Variants in PRXL2C observed in about 807,000 individuals in gnomAD.
PRXL2C encodes the protein peroxiredoxin-like 2C.
A neutral mutation model predicts 24.9 loss-of-function variants in PRXL2C; 38 were observed. That is an observed-to-expected ratio of 1.53 (90% CI 1.18 to 2.00). The LOEUF (loss-of-function observed/expected upper bound fraction) is 2.00. PRXL2C is among the 30% of genes most tolerant of loss of function. The pLI is 0.00. For synonymous variants in PRXL2C, 98 were observed against 117.2 expected (o/e 0.84, Z 1.06); for missense variants, 294 against 290.9 (o/e 1.01, Z -0.08).
At chr9:96,644,840 A>G (rs1255740298) in intron 5 of PRXL2C, among the ~76,000 whole-genome samples, 1 of 141,862 alleles carries the variant, frequency 7.0e-6, no homozygotes, top group Non-Finnish European at 1.5e-5. Flanking sequence ...GACACTGAGT[A>G]AGTCTCCTAG....
Position 96,640,064 on chromosome 9 carries a change from TC to T in PRXL2C, c.*1694del, listed in dbSNP as rs1483305877. 1 of 146,362 alleles carries T rather than the reference TC, an allele frequency of 6.8e-6. No individual in the cohort carries two copies. Among genetic ancestry groups the T allele is most frequent in the Non-Finnish European group, 1.5e-5 (1 of 67,178 alleles). The allele number at this position is 146,362 out of a possible 1,614,324, so 9.1% of individuals were successfully genotyped here. A position where few individuals can be genotyped will look rare whatever the true frequency, so the allele number is the denominator to read the frequency against. On this transcript the variant is annotated 3_prime_UTR_variant, in exon 6 of 6. Transcript: ENST00000375234. ...GCCGAGATCGTGCCATTGCACTCCA[TC>T]CTGTGCAACAAGAGTGAAACTCCGT...
At chr9:96,647,979 T>C (rs979633836) in intron 4 of PRXL2C, among the ~76,000 whole-genome samples, 2 of 152,114 alleles carry the variant, frequency 1.3e-5, no homozygotes, top group African/African-American at 2.4e-5. Flanking sequence ...TCACTGCTCA[T>C]TGCAGCCTCA....
chr9:96,650,459 C>T (rs951788779), intron 4 of PRXL2C, among the ~76,000 whole-genome samples: 3 of 152,084 alleles, frequency 2.0e-5, no homozygotes, highest in African/African-American at 7.2e-5. Context: ...GATGAATAAA[C>T]ATGAAACTCT....
intron 4 of PRXL2C, among the ~76,000 whole-genome samples, chr9:96,648,906 T>C (rs1052685965): frequency 2.0e-4 from 30 of 152,192 alleles, no homozygotes; most frequent in South Asian, 2.1e-4. Flanking sequence ...CCCGAGTAGC[T>C]GGGATTACAG....
At position 96,645,908 on chromosome 9, in the gene PRXL2C, G is replaced by A. The variant is rs201136121; in HGVS notation, c.538C>T (p.Leu180Phe). 61 of 1,611,934 alleles carry A rather than the reference G, an allele frequency of 3.8e-5. No homozygotes were observed. The East Asian group carries it at 1.3e-3, about 35-fold the overall frequency. Residue 180 changes from leucine (L) to phenylalanine (F), a missense_variant, in exon 5 of 6, where the codon CTC becomes TTC. Physicochemically the swap from Leu to Phe is conservative, Grantham distance 22. Transcript: ENST00000375234. ...QGDPAQQGGT[L>F]ILGPGNNIHF... is the part of the protein sequence containing the mutation. ...TGATGCTTACCTGGACCTAAAATGA[G>A]GGTTCCACCTTGCTGAGCTGGGTCT...
intron 5 of PRXL2C, among the ~76,000 whole-genome samples, chr9:96,645,354 C>A (rs1045573882): frequency 6.6e-6 from 1 of 152,024 alleles, no homozygotes; most frequent in Admixed American, 6.6e-5. Flanking sequence ...ATCATCTAGG[C>A]ATGGGATGAT....
In PRXL2C at chr9:96,645,065, T is replaced by C. The variant is rs532284097; in HGVS notation, c.553+828A>G. On this transcript the variant is annotated intron_variant, in intron 5 of 5. Coordinates refer to ENST00000375234, the MANE Select transcript of PRXL2C (RefSeq NM_153698.2). ...GGGACTACAGGCACCCGCCACCACG[T>C]CCGGCTAATTTTTTTTTGTATTTTT... 8.6e-4 allele frequency among the ~76,000 whole-genome samples: 130 copies of C among 151,162 alleles called. 2 individuals carry two copies. The highest frequency in any genetic ancestry group is 2.8e-3 in the African/African-American group (117 of 41,278).
intron 3 of PRXL2C, 69 bp from the exon 4 acceptor site, chr9:96,651,564 A>G: frequency 6.5e-7 from 1 of 1,543,026 alleles, no homozygotes; most frequent in Non-Finnish European, 8.9e-7. Flanking sequence ...CTCTAACTTC[A>G]GCCAACTTAG....
Position 96,641,820 on chromosome 9 carries a change from A to G in PRXL2C, c.620T>C (p.Leu207Ser). Residue 207 changes from leucine (L) to serine (S), a missense_variant, in exon 6 of 6, where the codon TTA becomes TCA. Transcript: ENST00000375234. Reference sequence around the variant, plus strand: ...CACATGCTGAACTCCTACAAGCTGTAAAACAGAGTTGATAGGTTTGTGATC... The same window carrying G: ...CACATGCTGAACTCCTACAAGCTGTGAAACAGAGTTGATAGGTTTGTGATC... ...RLDHKPINSV[L>S]QLVGVQHVNF... 1.3e-6 allele frequency: 2 copies of G among 1,576,970 alleles called. No individual in the cohort carries two copies. The highest frequency in any genetic ancestry group is 1.7e-6 in the Non-Finnish European group (2 of 1,153,018).
Position 96,654,503 on chromosome 9 carries a change from C to T in PRXL2C, c.261+202G>A, listed in dbSNP as rs370958316. On this transcript the variant is annotated intron_variant, in intron 2 of 5. Transcript: ENST00000375234. Reference sequence around the variant, plus strand: ...CCAGGCAACACCACAATTGTTAGTACGTTTACCACCAGGCAGCACCCAATG... The same window carrying T: ...CCAGGCAACACCACAATTGTTAGTATGTTTACCACCAGGCAGCACCCAATG... Among the ~76,000 whole-genome samples the T allele has an allele frequency of 2.0e-5, 3 of 152,226 alleles. No homozygotes were observed. The East Asian group carries it at 5.8e-4, about 29-fold the overall frequency.
chr9:96,644,881 C>CTTTTTTTTTTTT lies in PRXL2C; in HGVS notation c.553+1000_553+1011dup, dbSNP rs530343244. On this transcript the variant is annotated intron_variant, in intron 5 of 5. Transcript: ENST00000375234. ...TTAGGTATAAATAACTACATGGATT[C>CTTTTTTTTTTTT]TTTTTTTTTTTTTTTTTTTTTTTTT... 2.7e-4 allele frequency among the ~76,000 whole-genome samples: 10 copies of CTTTTTTTTTTTT among 36,694 alleles called. 3 individuals are homozygous for CTTTTTTTTTTTT. Among genetic ancestry groups the CTTTTTTTTTTTT allele is most frequent in the Non-Finnish European group, 5.2e-4 (8 of 15,320 alleles). 24.1% of individuals were successfully genotyped at this position (36,694 alleles called of 152,430 possible).
At chr9:96,652,520 C>CAAAAA (rs1254621971) in intron 2 of PRXL2C, among the ~76,000 whole-genome samples, 1 of 56,392 alleles carries the variant, frequency 1.8e-5, no homozygotes, top group African/African-American at 5.5e-5. Flanking sequence ...GACTCCGCCT[C>CAAAAA]AAAAAAAAAA....
rs183460066 is a variant in PRXL2C, at chr9:96,653,167, C to T, written c.262-1455G>A. On this transcript the variant is annotated intron_variant, in intron 2 of 5. Transcript: ENST00000375234. Reference sequence around the variant, plus strand: ...GCGTGAACCCGGGAGGCGGAGCTTGCAGTGAGCTGAGATCGCGCCACTGCA... The same window carrying T: ...GCGTGAACCCGGGAGGCGGAGCTTGTAGTGAGCTGAGATCGCGCCACTGCA... Among the ~76,000 whole-genome samples, 422 of 150,796 alleles carry T rather than the reference C, an allele frequency of 2.8e-3. 4 individuals are homozygous for T. The highest frequency in any genetic ancestry group is 9.8e-3 in the African/African-American group (400 of 40,844).
At position 96,645,888 on chromosome 9, in the gene PRXL2C, C is replaced by T. The variant is rs2119178288; in HGVS notation, c.553+5G>A. On this transcript the variant is annotated splice_donor_5th_base_variant and intron_variant, in intron 5 of 5. Coordinates refer to ENST00000375234, the MANE Select transcript of PRXL2C (RefSeq NM_153698.2). ...CTACTGCTGAACCTGGGCTTTGATG[C>T]TTACCTGGACCTAAAATGAGGGTTC... The T allele has an allele frequency of 1.9e-6, 3 of 1,603,340 alleles. No homozygotes were observed. The highest frequency in any genetic ancestry group is 2.5e-6 in the Non-Finnish European group (3 of 1,176,934).
intron 5 of PRXL2C, among the ~76,000 whole-genome samples, chr9:96,643,327 A>T (rs1588099700): frequency 6.6e-6 from 1 of 151,696 alleles, no homozygotes; most frequent in South Asian, 2.1e-4. Context: ...CTCACTGCCA[A>T]CCTCCACTTC....
At chr9:96,649,756 G>A (rs1228085350) in intron 4 of PRXL2C, among the ~76,000 whole-genome samples, 1 of 151,792 alleles carries the variant, frequency 6.6e-6, no homozygotes, top group Non-Finnish European at 1.5e-5. Flanking sequence ...TCCAATCCCT[G>A]CTCCACATGG....
chr9:96,653,871 T>TA (rs1191600472), intron 2 of PRXL2C, among the ~76,000 whole-genome samples: 2 of 152,018 alleles, frequency 1.3e-5, no homozygotes, highest in African/African-American at 4.8e-5. Context: ...GACGGAGTCT[T>TA]ACTCTGTCGC....
In PRXL2C at chr9:96,653,748, G is replaced by A. The variant is rs529379010; in HGVS notation, c.261+957C>T. On this transcript the variant is annotated intron_variant, in intron 2 of 5. Coordinates refer to ENST00000375234, the MANE Select transcript of PRXL2C (RefSeq NM_153698.2). The stretch of plus-strand genomic sequence containing the variant: ...AAAAGAGAATAAAAGGATACGCAGA[G>A]GAACAGTCAAAACATTGTTTTCAAA... Among the ~76,000 whole-genome samples the A allele has an allele frequency of 7.9e-5, 12 of 152,014 alleles. No individual in the cohort carries two copies. In the South Asian group the frequency reaches 2.1e-3, roughly 26 times the overall value.
chr9:96,645,965 C>T lies in PRXL2C; in HGVS notation c.481G>A (p.Ala161Thr), dbSNP rs1195384063. The change falls in exon 5 of 6, where the codon GCA becomes ACA. Residue 161 changes from alanine (A) to threonine (T), a missense_variant. Ala to Thr is a moderately conservative substitution (Grantham distance 58). Transcript: ENST00000375234. ...AAATCAAAGAGAGGGCCAGTCACTG[C>T]CCGCCACAGGCTCTGAAGGCTTCCT... ...LSGSLQSLWR[A>T]VTGPLFDFQG... is the part of the protein sequence containing the mutation. 2 of 1,613,776 alleles carry T rather than the reference C, an allele frequency of 1.2e-6. No homozygotes were observed. Among genetic ancestry groups the T allele is most frequent in the South Asian group, 2.2e-5 (2 of 91,042 alleles).
Sources: allele counts gnomAD v4.1 joint callset (sites outside exome capture counted in the v4.1 genomes callset), GRCh38; gene constraint gnomAD v4.1.1; transcripts MANE v1.5; gene names NCBI Gene and HGNC (gene_info 2026-07-23, HGNC 2026-07-21).